The following BRI3 variants were observed in gnomAD, a reference collection of about 807,000 sequenced individuals.
BRI3 encodes brain protein I3, also known as membrane protein BRI3.
In BRI3, 6 loss-of-function variants were observed where a neutral mutation model predicts 12.8. The ratio of observed to expected loss-of-function variants is 0.47; its 90% CI spans 0.26 to 0.93. The LOEUF (loss-of-function observed/expected upper bound fraction) is 0.93. BRI3 is among the 40% of genes least tolerant of loss of function. The probability of loss-of-function intolerance (pLI) is 0.15; values close to 1 mark genes in which losing one functional copy is unlikely to be tolerated. For missense variants in BRI3, 134 were observed against 171.1 expected (o/e 0.78, Z 1.21); for synonymous variants, 91 against 76.1 (o/e 1.20, Z -1.02).
chr7:98,307,435 A>T lies in BRI3; in HGVS notation n.145-80A>T, dbSNP rs528821007. 3.7e-6 allele frequency: 5 copies of T among 1,340,784 alleles called. No homozygotes were observed. The African/African-American group carries it at 7.4e-5, about 20-fold the overall frequency. 83.1% of individuals were successfully genotyped at this position (1,340,784 alleles called of 1,614,324 possible). A position where few individuals can be genotyped will look rare whatever the true frequency, so the allele number is the denominator to read the frequency against. On this transcript the variant is annotated intron_variant and non_coding_transcript_variant, in intron 1 of 1. Coordinates refer to the BRI3 transcript ENST00000485422. ...CTAAATTTTTTTTAAAAACAAAAGA[A>T]TGTTTAAACTACTTTCAGACAGGTG...
chr7:98,310,547 G>C (rs75638449), downstream of BRI3: 1 of 1,593,094 alleles, frequency 6.3e-7, no homozygotes, highest in East Asian at 2.3e-5. Context: ...GGAGCGGGGG[G>C]CATCTTTGGT....
chr7:98,308,359 C>T (rs1296947104), exon 2 of BRI3: 1 of 446,606 alleles, frequency 2.2e-6, no homozygotes, highest in East Asian at 7.0e-5. Flanking sequence ...GCCATGCTGG[C>T]CGCTCAGCTT....
chr7:98,307,845 A>G, exon 2 of BRI3: 2 of 1,614,228 alleles, frequency 1.2e-6, no homozygotes, highest in Non-Finnish European at 1.7e-6. Flanking sequence ...CATCATGTTC[A>G]GTCCCGTTGC....
At chr7:98,318,021 C>T in the BRI3 span, among the ~76,000 whole-genome samples, 1 of 151,514 alleles carries the variant, frequency 6.6e-6, no homozygotes, top group Non-Finnish European at 1.5e-5. Flanking sequence ...TGCATGATGG[C>T]TGGGACCCTT....
At chr7:98,297,193 A>G (rs1008111408), downstream of BRI3, among the ~76,000 whole-genome samples, 16 of 152,218 alleles carry the variant, frequency 1.1e-4, no homozygotes, top group African/African-American at 3.6e-4. Flanking sequence ...GTGATCCCCC[A>G]TCTCCCGCAA....
exon 2 of BRI3, chr7:98,308,853 T>C (rs900972389): frequency 1.3e-5 from 2 of 153,056 alleles, no homozygotes; most frequent in African/African-American, 4.8e-5. Flanking sequence ...CATTTTTAAA[T>C]TTTTTTGTAG....
chr7:98,320,724 C>T, the BRI3 span, among the ~76,000 whole-genome samples: 12 of 152,170 alleles, frequency 7.9e-5, no homozygotes, highest in Admixed American at 5.9e-4. Context: ...AAGCATCATC[C>T]CTGAGACACA....
chr7:98,307,552 TAACTAAACTAG>T (rs1298610739), exon 2 of BRI3: 2 of 1,466,264 alleles, frequency 1.4e-6, no homozygotes, highest in Non-Finnish European at 1.8e-6. Context: ...TAACTTCAGT[TAACTAAACTAG>T]AACTAAACCA....
At chr7:98,295,541 C>T (rs553108780), downstream of BRI3, among the ~76,000 whole-genome samples, 5 of 152,266 alleles carry the variant, frequency 3.3e-5, no homozygotes, top group East Asian at 3.9e-4. Flanking sequence ...GGGTGCCTGT[C>T]GCATGTGCTC....
chr7:98,310,185 A>G (rs1173795772), exon 2 of BRI3: 10 of 410,542 alleles, frequency 2.4e-5, no homozygotes, highest in Non-Finnish European at 4.3e-5. Flanking sequence ...TCTCAACAGT[A>G]TGTTTACTCT....
downstream of BRI3, among the ~76,000 whole-genome samples, chr7:98,314,893 A>G (rs1403157147): frequency 6.6e-6 from 1 of 152,170 alleles, no homozygotes; most frequent in Non-Finnish European, 1.5e-5. Flanking sequence ...AACATGTGCT[A>G]TTTTTCAATG....
At chr7:98,313,001 G>A (rs559424949), downstream of BRI3, among the ~76,000 whole-genome samples, 48 of 152,232 alleles carry the variant, frequency 3.2e-4, no homozygotes, top group Non-Finnish European at 6.2e-4. Flanking sequence ...CCTGTCCTGC[G>A]GCTGTGTGCA....
intron 1 of BRI3, among the ~76,000 whole-genome samples, chr7:98,299,465 A>G (rs1800332228): frequency 6.7e-6 from 1 of 148,934 alleles, no homozygotes; most frequent in Non-Finnish European, 1.5e-5. Flanking sequence ...GCAGGCTGCC[A>G]TCTTTTGAGC....
chr7:98,293,679 C>T, downstream of BRI3: 3 of 1,365,660 alleles, frequency 2.2e-6, no homozygotes, highest in Admixed American at 1.7e-5. Flanking sequence ...CCCGTTCTTG[C>T]CCTGTGAGAC....
chr7:98,307,416 T>C, intron 1 of BRI3: 1 of 1,282,442 alleles, frequency 7.8e-7, no homozygotes, highest in Non-Finnish European at 9.9e-7. Flanking sequence ...AATGCTAAAT[T>C]TTTTTTAAAA....
At chr7:98,321,479 T>G in the BRI3 span, among the ~76,000 whole-genome samples, 283 of 152,246 alleles carry the variant, frequency 1.9e-3, 1 homozygote, top group South Asian at 7.1e-3. Context: ...CACAGTCACA[T>G]GATGGGCAGG....
At chr7:98,321,248 C>T in the BRI3 span, among the ~76,000 whole-genome samples, 6 of 152,174 alleles carry the variant, frequency 3.9e-5, no homozygotes, top group East Asian at 1.9e-4. Flanking sequence ...ATGATTACTT[C>T]GGTCATCACA....
intron 1 of BRI3, 66 bp downstream of exon 1, chr7:98,282,003 G>C (rs867288404): frequency 1.5e-5 from 19 of 1,296,166 alleles, no homozygotes; most frequent in South Asian, 2.4e-5. Context: ...GGGGGACGTG[G>C]GTCCGGAGGC....
intron 1 of BRI3, among the ~76,000 whole-genome samples, chr7:98,299,108 C>T (rs532818275): frequency 4.6e-5 from 7 of 152,190 alleles, no homozygotes; most frequent in South Asian, 2.1e-4. Flanking sequence ...CTCTGCCTCC[C>T]GGGTTCAACT....
Sources: allele counts gnomAD v4.1 joint callset (sites outside exome capture counted in the v4.1 genomes callset), GRCh38; gene constraint gnomAD v4.1.1; transcripts MANE v1.5; gene names NCBI Gene and HGNC (gene_info 2026-07-23, HGNC 2026-07-21).